STX6: variants seen among roughly 807,000 people sequenced by gnomAD.
The protein encoded by STX6 is syntaxin 6, also known as syntaxin-6.
In STX6, 23 loss-of-function variants were observed where a neutral mutation model predicts 38.0. That is an observed-to-expected ratio of 0.60 (90% CI 0.43 to 0.86). The LOEUF is 0.86. Ranked by LOEUF, STX6 falls within the 40% of genes least tolerant of loss-of-function variation. The pLI is 0.00. For synonymous variants in STX6, 123 were observed against 107.5 expected (o/e 1.14, Z -0.89); for missense variants, 274 against 312.9 (o/e 0.88, Z 0.94).
At chr1:180,986,830 A>G (rs1571329905) in intron 6 of STX6, among the ~76,000 whole-genome samples, 1 of 152,120 alleles carries the variant, frequency 6.6e-6, no homozygotes, top group Admixed American at 6.5e-5. Context: ...TGACTCTATT[A>G]CCCACTGCCC....
At chr1:180,985,922 A>C (rs1286637250) in intron 6 of STX6, among the ~76,000 whole-genome samples, 1 of 152,210 alleles carries the variant, frequency 6.6e-6, no homozygotes, top group African/African-American at 2.4e-5. Flanking sequence ...CTCTTCATTA[A>C]ATCAACTGTT....
intron 1 of STX6, 132 bp downstream of exon 1, chr1:181,022,507 T>G (rs1656768075): frequency 2.2e-6 from 2 of 896,928 alleles, no homozygotes; most frequent in South Asian, 1.5e-5. Context: ...CCCTCAAGAC[T>G]AAGCCGTCTC....
At chr1:180,979,223 C>T (rs1325122035) in intron 7 of STX6, among the ~76,000 whole-genome samples, 3 of 151,830 alleles carry the variant, frequency 2.0e-5, no homozygotes, top group African/African-American at 7.3e-5. Flanking sequence ...CACAATTTGT[C>T]AACAGAAACC....
At chr1:181,003,636 G>A (rs1256928922) in intron 2 of STX6, among the ~76,000 whole-genome samples, 3 of 152,110 alleles carry the variant, frequency 2.0e-5, no homozygotes, top group South Asian at 2.1e-4. Context: ...AACTGCATAC[G>A]AACCTGTGCT....
At chr1:180,998,740 C>T (rs1265219229) in intron 3 of STX6, among the ~76,000 whole-genome samples, 1 of 152,226 alleles carries the variant, frequency 6.6e-6, no homozygotes, top group Non-Finnish European at 1.5e-5. Context: ...AGATACCACA[C>T]AACACCTTCA....
chr1:181,019,806 G>A (rs902712587), intron 1 of STX6, among the ~76,000 whole-genome samples: 1 of 152,214 alleles, frequency 6.6e-6, no homozygotes, highest in African/African-American at 2.4e-5. Flanking sequence ...TTTAATTAAT[G>A]TAAACTTGGT....
intron 1 of STX6, 103 bp downstream of exon 1, chr1:181,022,536 G>C: frequency 8.2e-7 from 1 of 1,225,652 alleles, no homozygotes; most frequent in East Asian, 2.6e-5. Flanking sequence ...CCCCTCCCCA[G>C]CTCCAACTTG....
chr1:180,979,008 G>A (rs1007434905), intron 7 of STX6, among the ~76,000 whole-genome samples: 1 of 152,218 alleles, frequency 6.6e-6, no homozygotes, highest in Non-Finnish European at 1.5e-5. Flanking sequence ...ATTATCAGAA[G>A]AGGAATTTTT....
rs569233084 is a variant in STX6 at position 181,009,828 on chromosome 1, CAT to C, written c.36-4367_36-4366del. ...ACAGCCAAAAATTGTAAACAACCCA[CAT>C]GTCCTTCAACTAATGAGTGGATAAA... On this transcript the variant is annotated intron_variant, in intron 1 of 7. Transcript: ENST00000258301. Among the ~76,000 whole-genome samples, 17 of 148,846 alleles carry C rather than the reference CAT, an allele frequency of 1.1e-4. No individual in the cohort carries two copies. The South Asian group carries it at 2.9e-3, about 25-fold the overall frequency.
At chr1:181,020,444 G>T (rs1027236797) in intron 1 of STX6, among the ~76,000 whole-genome samples, 6 of 152,012 alleles carry the variant, frequency 3.9e-5, no homozygotes, top group Non-Finnish European at 7.4e-5. Context: ...ATTTTACTGC[G>T]GCTACTAGAA....
chr1:181,016,805 T>G (rs1166854156), intron 1 of STX6, among the ~76,000 whole-genome samples: 1 of 152,192 alleles, frequency 6.6e-6, no homozygotes, highest in Non-Finnish European at 1.5e-5. Context: ...ACTGTTATCA[T>G]GCTGGGTGCG....
At chr1:181,010,542 T>C (rs952090290) in intron 1 of STX6, among the ~76,000 whole-genome samples, 16 of 152,156 alleles carry the variant, frequency 1.1e-4, no homozygotes, top group Non-Finnish European at 1.5e-5. Context: ...CCTCAAGTGA[T>C]CCAACCGGCT....
intron 1 of STX6, among the ~76,000 whole-genome samples, chr1:181,016,676 A>C (rs1033608934): frequency 6.6e-6 from 1 of 152,252 alleles, no homozygotes; most frequent in Non-Finnish European, 1.5e-5. Flanking sequence ...AGTGTTAATA[A>C]AGCTAGATAT....
intron 7 of STX6, among the ~76,000 whole-genome samples, chr1:180,980,883 C>T (rs1655393831): frequency 6.6e-6 from 1 of 152,142 alleles, no homozygotes; most frequent in African/African-American, 2.4e-5. Flanking sequence ...TGAAAAAGCA[C>T]AGTGGAAACT....
intron 1 of STX6, among the ~76,000 whole-genome samples, chr1:181,017,377 A>G (rs1656592836): frequency 6.6e-6 from 1 of 152,190 alleles, no homozygotes; most frequent in South Asian, 2.1e-4. Flanking sequence ...TGGGCAACAG[A>G]GTGAGACTCC....
intron 4 of STX6, 118 bp from the exon 5 acceptor site, chr1:180,990,227 G>C: frequency 7.4e-7 from 1 of 1,351,550 alleles, no homozygotes; most frequent in African/African-American, 1.4e-5. Context: ...TTTCCCCTGG[G>C]CAAGGCTTTT....
chr1:181,000,206 C>G (rs1461021223), intron 3 of STX6, among the ~76,000 whole-genome samples: 2 of 152,186 alleles, frequency 1.3e-5, no homozygotes, highest in Non-Finnish European at 2.9e-5. Context: ...GTTTAGATCT[C>G]AACTCTAAAA....
At chr1:180,987,161 T>C (rs906992344) in intron 6 of STX6, among the ~76,000 whole-genome samples, 7 of 152,178 alleles carry the variant, frequency 4.6e-5, no homozygotes, top group African/African-American at 1.7e-4. Flanking sequence ...TCCATGCACG[T>C]GTGCACCTCT....
intron 5 of STX6, among the ~76,000 whole-genome samples, 174 bp downstream of exon 5, chr1:180,989,810 A>T (rs4111520): frequency 2.6e-5 from 4 of 151,846 alleles, no homozygotes; most frequent in Non-Finnish European, 5.9e-5. Flanking sequence ...AAGCAGTCAC[A>T]CTGTGAAGAT....
Sources: gnomAD v4.1 joint callset for allele counts (sites outside exome capture counted in the v4.1 genomes callset) on GRCh38, gnomAD v4.1.1 for gene constraint, MANE v1.5 for transcripts, NCBI Gene and HGNC (gene_info 2026-07-23, HGNC 2026-07-21) for gene names.